NAALADL2: variants seen among roughly 807,000 people sequenced by gnomAD.
NAALADL2 encodes inactive N-acetylated-alpha-linked acidic dipeptidase-like protein 2.
A neutral mutation model predicts 87.2 loss-of-function variants in NAALADL2; 76 were observed. The ratio of observed to expected loss-of-function variants is 0.87; its 90% CI spans 0.72 to 1.05. The LOEUF (loss-of-function observed/expected upper bound fraction) is 1.05, where lower values mean the gene tolerates loss of function less well. Ranked by LOEUF, NAALADL2 falls within the 50% of genes least tolerant of loss-of-function variation. The probability of loss-of-function intolerance (pLI) is 0.00; values close to 1 mark genes in which losing one functional copy is unlikely to be tolerated. For synonymous variants in NAALADL2, 354 were observed against 331.0 expected, an observed-to-expected ratio of 1.07 and a Z score of -0.75; for missense variants, 1,089 against 945.8, an observed-to-expected ratio of 1.15 and a Z score of -1.99.
intron 4 of NAALADL2, among the ~76,000 whole-genome samples, chr3:175,297,122 T>C (rs2110190483): frequency 6.6e-6 from 1 of 152,282 alleles, no homozygotes; most frequent in East Asian, 1.9e-4. Flanking sequence ...CCTTTTGTGC[T>C]ACAGCAGAAG....
chr3:175,461,533 C>T (rs1374402361), intron 6 of NAALADL2, among the ~76,000 whole-genome samples: 2 of 152,154 alleles, frequency 1.3e-5, no homozygotes, highest in African/African-American at 4.8e-5. Flanking sequence ...ACTCTAGCTA[C>T]TTCCAGTAAG....
intron 1 of NAALADL2, among the ~76,000 whole-genome samples, chr3:175,001,004 T>C (rs1046426322): frequency 6.6e-6 from 1 of 152,184 alleles, no homozygotes; most frequent in African/African-American, 2.4e-5. Flanking sequence ...CCAGTCCCAT[T>C]TATGGGATCC....
At chr3:175,492,028 G>A (rs753507055) in intron 9 of NAALADL2, among the ~76,000 whole-genome samples, 56 of 152,250 alleles carry the variant, frequency 3.7e-4, no homozygotes, top group Non-Finnish European at 5.6e-4. Context: ...GAACCTCTGG[G>A]TAAAGCTCTG....
rs141215642 is a variant in NAALADL2, at chr3:175,256,238, T to C, written c.820-173T>C. Among the ~76,000 whole-genome samples the C allele has an allele frequency of 2.0e-3, 309 of 152,256 alleles. 1 individual carries two copies. The highest frequency in any genetic ancestry group is 7.1e-3 in the African/African-American group (293 of 41,526). On this transcript the variant is annotated intron_variant, in intron 3 of 13. Transcript: ENST00000454872. The stretch of plus-strand genomic sequence containing the variant: ...TAGTGCCCAGAAGAATTGCTGTACC[T>C]TGATAGAAATAGAAAGGTCATGTTT...
chr3:174,777,336 G>A (rs988122480), intron 3 of NAALADL2, among the ~76,000 whole-genome samples: 1 of 152,000 alleles, frequency 6.6e-6, no homozygotes, highest in African/African-American at 2.4e-5. Context: ...CACAAATAAA[G>A]TCATGAAAAT....
chr3:174,989,545 TG>T (rs993310566), intron 1 of NAALADL2, among the ~76,000 whole-genome samples: 56 of 152,284 alleles, frequency 3.7e-4, no homozygotes, highest in African/African-American at 1.3e-3. Flanking sequence ...GTTTTTATGT[TG>T]TTGGTAGGTA....
At chr3:174,996,496 C>CA (rs544719815) in intron 1 of NAALADL2, among the ~76,000 whole-genome samples, 29,836 of 134,640 alleles carry the variant, frequency 0.22, 3,435 homozygotes, top group African/African-American at 0.33. Flanking sequence ...GACTCTGTCT[C>CA]AAAAAAAAAA....
Position 174,845,757 on chromosome 3 carries a change from A to G in NAALADL2, c.-9+108011A>G, listed in dbSNP as rs145650181. On this transcript the variant is annotated intron_variant, in intron 3 of 3. Coordinates refer to the NAALADL2 transcript ENST00000434257. ...GCAGATCCACCTGTTTTTCTGGGGG[A>G]TAGGGTACCTCATGGTTTCAGCCAT... is the stretch of plus-strand genomic sequence containing the variant. Among the ~76,000 whole-genome samples, 1,118 of 152,040 alleles carry G rather than the reference A, an allele frequency of 7.4e-3. 9 individuals are homozygous for G. Among genetic ancestry groups the G allele is most frequent in the Non-Finnish European group, 0.013 (864 of 67,970 alleles).
At chr3:175,063,845 A>G (rs991195052) in intron 1 of NAALADL2, among the ~76,000 whole-genome samples, 3 of 152,160 alleles carry the variant, frequency 2.0e-5, no homozygotes, top group African/African-American at 4.8e-5. Context: ...ACGCTTAAAA[A>G]TTATCTATAT....
At chr3:175,228,832 G>C (rs927882680) in intron 2 of NAALADL2, among the ~76,000 whole-genome samples, 4 of 151,854 alleles carry the variant, frequency 2.6e-5, no homozygotes, top group African/African-American at 9.7e-5. Flanking sequence ...AATCAGAAGT[G>C]ATAGTTGAAA....
At chr3:175,461,470 A>G (rs1723119287) in intron 6 of NAALADL2, among the ~76,000 whole-genome samples, 1 of 152,040 alleles carries the variant, frequency 6.6e-6, no homozygotes, top group African/African-American at 2.4e-5. Flanking sequence ...TCACCTCTCA[A>G]TCCCCCCTCT....
intron 4 of NAALADL2, among the ~76,000 whole-genome samples, chr3:175,305,010 TACA>T (rs1439483557): frequency 1.3e-5 from 2 of 152,194 alleles, no homozygotes; most frequent in African/African-American, 4.8e-5. Context: ...GTTTCATTGT[TACA>T]TATTTTACTT....
intron 9 of NAALADL2, among the ~76,000 whole-genome samples, chr3:175,543,142 A>T (rs1359191380): frequency 2.0e-5 from 3 of 152,140 alleles, no homozygotes; most frequent in Non-Finnish European, 2.9e-5. Context: ...TATCCACCTA[A>T]TACCCTGTTT....
chr3:175,756,523 C>A (rs1747281721), intron 13 of NAALADL2, among the ~76,000 whole-genome samples: 1 of 152,070 alleles, frequency 6.6e-6, no homozygotes, highest in Non-Finnish European at 1.5e-5. Context: ...TCTGTCACAG[C>A]AGCATGGATA....
At chr3:174,813,302 G>A (rs75721712) in intron 3 of NAALADL2, among the ~76,000 whole-genome samples, 2,001 of 152,168 alleles carry the variant, frequency 0.013, 25 homozygotes, top group Non-Finnish European at 0.018. Flanking sequence ...ATCTCATAAT[G>A]TTTTAAGAAA....
In NAALADL2 at chr3:175,455,772, C is replaced by T. The variant is rs181231814; in HGVS notation, c.1235-7629C>T. ...GGCATTTAGGAAAGATAGCTGCAGA[C>T]CACAGCATCTCAATCATCAAAACTG... On this transcript the variant is annotated intron_variant, in intron 6 of 13. Coordinates refer to ENST00000454872, the MANE Select transcript of NAALADL2 (RefSeq NM_207015.3). Among the ~76,000 whole-genome samples, 209 of 152,020 alleles carry T rather than the reference C, an allele frequency of 1.4e-3. 1 individual carries two copies. Among genetic ancestry groups the T allele is most frequent in the African/African-American group, 4.5e-3 (186 of 41,494 alleles).
intron 1 of NAALADL2, among the ~76,000 whole-genome samples, chr3:174,523,144 C>G (rs1429927866): frequency 6.6e-6 from 1 of 151,914 alleles, no homozygotes; most frequent in South Asian, 2.1e-4. Context: ...TCTTGTTAGT[C>G]TATAGTATTT....
intron 2 of NAALADL2, among the ~76,000 whole-genome samples, chr3:175,134,673 T>A (rs1728823896): frequency 6.6e-6 from 1 of 151,396 alleles, no homozygotes; most frequent in Non-Finnish European, 1.5e-5. Flanking sequence ...AGACTAAGGG[T>A]GAGGGTGGAA....
At chr3:174,973,354 C>T (rs557812176) in intron 1 of NAALADL2, among the ~76,000 whole-genome samples, 19 of 152,100 alleles carry the variant, frequency 1.2e-4, no homozygotes, top group Non-Finnish European at 2.2e-4. Flanking sequence ...TAAGATGTTG[C>T]GATAAACACT....
Sources: gnomAD v4.1 joint callset for allele counts (sites outside exome capture counted in the v4.1 genomes callset) on GRCh38, gnomAD v4.1.1 for gene constraint, MANE v1.5 for transcripts, NCBI Gene and HGNC (gene_info 2026-07-23, HGNC 2026-07-21) for gene names.